The following DNAI7 variants were observed in gnomAD, a reference collection of about 807,000 sequenced individuals.
DNAI7 encodes the protein dynein axonemal intermediate chain 7, also known as cancer susceptibility 1.
DNAI7 carries 78 observed loss-of-function variants against 86.6 expected under a neutral mutation model. That is an observed-to-expected ratio of 0.90 (90% CI 0.75 to 1.09). The LOEUF is 1.09. DNAI7 is among the 50% of genes least tolerant of loss of function. DNAI7 has a pLI of 0.00. For synonymous variants in DNAI7, 274 were observed against 273.0 expected, an observed-to-expected ratio of 1.00 and a Z score of -0.04; for missense variants, 753 against 810.2, an observed-to-expected ratio of 0.93 and a Z score of 0.86.
downstream of DNAI7, chr12:25,108,180 A>AAGAT (rs1315288991): frequency 1.1e-5 from 12 of 1,123,140 alleles, no homozygotes; most frequent in African/African-American, 1.6e-4. Flanking sequence ...GAATGACTGT[A>AAGAT]AGATAGCTTA....
intron 2 of DNAI7, among the ~76,000 whole-genome samples, chr12:25,184,378 A>C (rs913237339): frequency 6.8e-5 from 10 of 147,476 alleles, no homozygotes; most frequent in African/African-American, 2.2e-4. Context: ...ATCATGTAAA[A>C]TGTGGTCTTT....
At chr12:25,163,108 A>G (rs1398363227) in intron 2 of DNAI7, among the ~76,000 whole-genome samples, 1 of 152,108 alleles carries the variant, frequency 6.6e-6, no homozygotes, top group Non-Finnish European at 1.5e-5. Context: ...CAAGACCTAT[A>G]AAACAAAAAT....
intron 2 of DNAI7, among the ~76,000 whole-genome samples, chr12:25,181,255 T>C (rs1360299258): frequency 6.6e-6 from 1 of 152,148 alleles, no homozygotes; most frequent in Admixed American, 6.5e-5. Context: ...GAATTACAGA[T>C]GCATGCCACT....
intron 9 of DNAI7, among the ~76,000 whole-genome samples, chr12:25,142,679 A>G (rs1433905024): frequency 6.6e-6 from 1 of 152,236 alleles, no homozygotes; most frequent in East Asian, 1.9e-4. Context: ...TGAAATTCTT[A>G]TGTAAAATAC....
chr12:25,175,141 A>G (rs995728478), intron 2 of DNAI7, among the ~76,000 whole-genome samples: 1 of 152,180 alleles, frequency 6.6e-6, no homozygotes, highest in African/African-American at 2.4e-5. Context: ...AATTAAAAAA[A>G]TAGACTCTAA....
At chr12:25,116,009 A>T (rs10743541) in intron 12 of DNAI7, among the ~76,000 whole-genome samples, 151,905 of 152,170 alleles carry the variant, frequency 1, 75,822 homozygotes, top group Non-Finnish European at 1. Context: ...TGTGGTGTTT[A>T]CCCATCTGCC....
intron 2 of DNAI7, among the ~76,000 whole-genome samples, chr12:25,171,338 T>G (rs1948107918): frequency 6.6e-6 from 1 of 152,146 alleles, no homozygotes; most frequent in Non-Finnish European, 1.5e-5. Context: ...AAGGCTACTA[T>G]GAACACCTTT....
At chr12:25,174,005 T>C (rs1565808251) in intron 2 of DNAI7, among the ~76,000 whole-genome samples, 1 of 149,074 alleles carries the variant, frequency 6.7e-6, no homozygotes, top group Middle Eastern at 3.3e-3. Flanking sequence ...ACATATATCA[T>C]ATACATGGAA....
chr12:25,191,423 G>A (rs752085156), intron 1 of DNAI7, among the ~76,000 whole-genome samples: 1 of 152,042 alleles, frequency 6.6e-6, no homozygotes, highest in Admixed American at 6.5e-5. Flanking sequence ...TAAAACAGGC[G>A]GCTGGGTGTG....
At chr12:25,148,147 C>G (rs1368983823) in intron 7 of DNAI7, among the ~76,000 whole-genome samples, 1 of 152,040 alleles carries the variant, frequency 6.6e-6, no homozygotes, top group African/African-American at 2.4e-5. Context: ...TTGAAGTGTT[C>G]AGGACAATTG....
At position 25,144,684 on chromosome 12, in the gene DNAI7, AT is replaced by A; in HGVS notation, c.690-8del. 6.3e-7 allele frequency: 1 copy of A among 1,596,790 alleles called. No homozygotes were observed. The highest frequency in any genetic ancestry group is 1.1e-5 in the South Asian group (1 of 88,490). On this transcript the variant is annotated splice_region_variant and splice_polypyrimidine_tract_variant and intron_variant, in intron 8 of 15. Transcript: ENST00000395987. ...GAATCTAACACTTCTGTGCCTGTTA[AT>A]AATTAATTACAACAAAAAAAGATGA... is the stretch of plus-strand genomic sequence containing the variant.
intron 4 of DNAI7, among the ~76,000 whole-genome samples, chr12:25,156,319 G>GA (rs1473662731): frequency 6.6e-6 from 1 of 152,208 alleles, no homozygotes; most frequent in Non-Finnish European, 1.5e-5. Context: ...TCTCAAAAAT[G>GA]AATGAATGGA....
intron 11 of DNAI7, 25 bp from the exon 12 acceptor site, chr12:25,119,326 T>A: frequency 6.5e-7 from 1 of 1,536,826 alleles, no homozygotes. Flanking sequence ...CAAAACAACA[T>A]CAAGTTAGTT....
Position 25,111,953 on chromosome 12 carries a change from G to A in DNAI7, c.1612-14C>T. 1.3e-6 allele frequency: 2 copies of A among 1,534,598 alleles called. No individual in the cohort carries two copies. The highest frequency in any genetic ancestry group is 2.1e-5 in the Admixed American group (1 of 47,602). Reference sequence around the variant, plus strand: ...GCAGAGGTTTTCCTAGTTTAAATAAGAAAAAAGAAGCTTTTATGTAAGTTA... The same window carrying A: ...GCAGAGGTTTTCCTAGTTTAAATAAAAAAAAAGAAGCTTTTATGTAAGTTA... On this transcript the variant is annotated splice_polypyrimidine_tract_variant and intron_variant, in intron 13 of 15. Transcript: ENST00000395987.
At chr12:25,186,018 A>C (rs1949998565) in intron 2 of DNAI7, among the ~76,000 whole-genome samples, 1 of 152,198 alleles carries the variant, frequency 6.6e-6, no homozygotes, top group African/African-American at 2.4e-5. Flanking sequence ...ATTGGAAGAA[A>C]AGTCATAAAT....
intron 2 of DNAI7, among the ~76,000 whole-genome samples, chr12:25,188,083 C>A (rs1205481867): frequency 6.6e-6 from 1 of 152,196 alleles, no homozygotes; most frequent in Non-Finnish European, 1.5e-5. Context: ...ATAAGCCCAA[C>A]TGACAGATAG....
At chr12:25,122,423 T>C (rs1383076117) in intron 10 of DNAI7, among the ~76,000 whole-genome samples, 1 of 118,272 alleles carries the variant, frequency 8.5e-6, no homozygotes, top group Non-Finnish European at 1.6e-5. Flanking sequence ...GCACCACTAC[T>C]GGGCAATAGA....
At chr12:25,193,629 A>G (rs1249413161) in intron 1 of DNAI7, among the ~76,000 whole-genome samples, 1 of 152,234 alleles carries the variant, frequency 6.6e-6, no homozygotes, top group Non-Finnish European at 1.5e-5. Flanking sequence ...CTCCGGGTGC[A>G]TTAGAAATAA....
intron 1 of DNAI7, chr12:25,192,680 G>T (rs1169783491): frequency 6.6e-6 from 1 of 151,918 alleles, no homozygotes; most frequent in East Asian, 1.9e-4. Flanking sequence ...TTAGCTGGGC[G>T]TGGTGGCATG....
Sources: gnomAD v4.1 joint callset for allele counts (sites outside exome capture counted in the v4.1 genomes callset) on GRCh38, gnomAD v4.1.1 for gene constraint, MANE v1.5 for transcripts, NCBI Gene and HGNC (gene_info 2026-07-23, HGNC 2026-07-21) for gene names.